Variants in RPGRIP1L observed in about 807,000 individuals in gnomAD.
RPGRIP1L encodes protein fantom.
In RPGRIP1L, 131 loss-of-function variants were observed where a neutral mutation model predicts 160.4. That is an observed-to-expected ratio of 0.82 (90% CI 0.71 to 0.94). RPGRIP1L has a LOEUF of 0.94. Ranked by LOEUF, RPGRIP1L falls within the 40% of genes least tolerant of loss-of-function variation. RPGRIP1L has a pLI of 0.00. For synonymous variants in RPGRIP1L, 510 were observed against 515.8 expected, an observed-to-expected ratio of 0.99 and a Z score of 0.15; for missense variants, 1,522 against 1,535.8, an observed-to-expected ratio of 0.99 and a Z score of 0.15.
Position 53,641,097 on chromosome 16 carries a change from C to T in RPGRIP1L, c.2894G>A (p.Arg965Lys), listed in dbSNP as rs374721066. 2 of 1,613,648 alleles carry T rather than the reference C, an allele frequency of 1.2e-6. No homozygotes were observed. Among genetic ancestry groups the T allele is most frequent in the African/African-American group, 2.7e-5 (2 of 74,878 alleles). ...CTTATCTACAGGTGTTAAACGTTGT[C>T]TTGGTTTAGGTCTTGGTGCCTAAGA... is the stretch of plus-strand genomic sequence containing the variant. ...TLVLAPRPKPRQRLTPVDKKV... is the reference protein window; with the variant it reads ...TLVLAPRPKPKQRLTPVDKKV... The change falls in exon 19 of 27, where the codon AGA becomes AAA. Residue 965 changes from arginine to lysine, a missense_variant. Coordinates refer to ENST00000647211, the MANE Select transcript of RPGRIP1L (RefSeq NM_015272.5).
chr16:53,645,555 A>G (rs2151081017), intron 17 of RPGRIP1L, 70 bp downstream of exon 17: 1 of 1,423,264 alleles, frequency 7.0e-7, no homozygotes, highest in Middle Eastern at 2.3e-4. Context: ...TAAACGAATC[A>G]TATCCATAAC....
intron 5 of RPGRIP1L, among the ~76,000 whole-genome samples, chr16:53,687,441 A>G (rs1398798122): frequency 6.6e-6 from 1 of 152,158 alleles, no homozygotes; most frequent in Non-Finnish European, 1.5e-5. Flanking sequence ...TCTGAAATCC[A>G]TATGTATCTG....
At chr16:53,651,946 C>T (rs1419207429) in intron 15 of RPGRIP1L, among the ~76,000 whole-genome samples, 1 of 151,674 alleles carries the variant, frequency 6.6e-6, no homozygotes, top group Non-Finnish European at 1.5e-5. Context: ...ACTTAAATTA[C>T]AGTTCAATAC....
intron 9 of RPGRIP1L, among the ~76,000 whole-genome samples, chr16:53,666,554 G>T (rs1438320982): frequency 6.8e-6 from 1 of 147,394 alleles, no homozygotes; most frequent in Middle Eastern, 3.4e-3. Flanking sequence ...ATGCATGAAT[G>T]TGAGTACATC....
At chr16:53,641,799 A>T (rs914531793) in intron 17 of RPGRIP1L, among the ~76,000 whole-genome samples, 9 of 152,234 alleles carry the variant, frequency 5.9e-5, no homozygotes, top group Admixed American at 2.6e-4. Context: ...AATTAAATTC[A>T]GACATTATTC....
At chr16:53,618,747 G>A (rs975634156) in intron 24 of RPGRIP1L, among the ~76,000 whole-genome samples, 1 of 151,862 alleles carries the variant, frequency 6.6e-6, no homozygotes, top group African/African-American at 2.4e-5. Flanking sequence ...AGGTTTTGCC[G>A]TGTAGCCCAG....
intron 2 of RPGRIP1L, among the ~76,000 whole-genome samples, chr16:53,697,811 G>A (rs1216186423): frequency 2.0e-5 from 3 of 151,936 alleles, no homozygotes; most frequent in Non-Finnish European, 4.4e-5. Flanking sequence ...GAGCGTCTCT[G>A]CCTGGCCGCC....
Position 53,645,945 on chromosome 16 carries a change from T to C in RPGRIP1L, c.2363A>G (p.Asn788Ser). The C allele has an allele frequency of 1.9e-6, 3 of 1,614,128 alleles. No individual in the cohort carries two copies. The highest frequency in any genetic ancestry group is 1.7e-6 in the Non-Finnish European group (2 of 1,179,990). The change falls in exon 17 of 27, where the codon AAC becomes AGC. Residue 788 changes from asparagine to serine, a missense_variant. Physicochemically the swap from Asn to Ser is conservative, Grantham distance 46. Coordinates refer to ENST00000647211, the MANE Select transcript of RPGRIP1L (RefSeq NM_015272.5). ...TATTGTAATGTGAAGTTCATTTAAG[T>C]TGCCATCTGTGGAATCTGTAGAACT... The part of the protein sequence containing the change: ...QLSSTDSTDG[N>S]LNELHITIRC...
intron 17 of RPGRIP1L, among the ~76,000 whole-genome samples, chr16:53,642,446 C>T (rs1337045725): frequency 2.7e-5 from 4 of 149,728 alleles, no homozygotes; most frequent in Non-Finnish European, 4.4e-5. Flanking sequence ...AAAAAAAAAA[C>T]CTCCCAAACT....
intron 22 of RPGRIP1L, among the ~76,000 whole-genome samples, chr16:53,634,242 A>G (rs990626569): frequency 5.9e-5 from 9 of 152,208 alleles, no homozygotes; most frequent in African/African-American, 2.2e-4. Flanking sequence ...CTCTGTCCTC[A>G]TGACTTAATC....
At chr16:53,668,343 A>G (rs1968450508) in intron 9 of RPGRIP1L, among the ~76,000 whole-genome samples, 1 of 152,236 alleles carries the variant, frequency 6.6e-6, no homozygotes, top group Non-Finnish European at 1.5e-5. Context: ...GATGACTATC[A>G]CATAATAAAA....
chr16:53,692,870 G>A (rs1236929962), intron 3 of RPGRIP1L, among the ~76,000 whole-genome samples: 1 of 152,126 alleles, frequency 6.6e-6, no homozygotes. Flanking sequence ...CACATATAAA[G>A]CCCAATGAAA....
chr16:53,651,819 CCTA>C (rs1966856412), intron 15 of RPGRIP1L, among the ~76,000 whole-genome samples: 1 of 151,988 alleles, frequency 6.6e-6, no homozygotes, highest in Non-Finnish European at 1.5e-5. Flanking sequence ...ATTCCCAGTG[CCTA>C]CTAACAGTGA....
chr16:53,648,864 T>C lies in RPGRIP1L; in HGVS notation c.2304+100A>G, dbSNP rs1355342552. ...CAAAATAAAAGTTAAAAAAAGACAC[T>C]TGATGGCTGTGAAAATGATTTTAGT... On this transcript the variant is annotated intron_variant, in intron 16 of 26. Transcript: ENST00000647211. 7 of 1,101,514 alleles carry C rather than the reference T, an allele frequency of 6.4e-6. No individual in the cohort carries two copies. In the Admixed American group the frequency reaches 9.0e-5, roughly 14 times the overall value. The allele number at this position is 1,101,514 out of a possible 1,614,324, so 68.2% of individuals were successfully genotyped here.
At chr16:53,671,932 A>G (rs1449202241) in intron 8 of RPGRIP1L, among the ~76,000 whole-genome samples, 1 of 152,122 alleles carries the variant, frequency 6.6e-6, no homozygotes, top group Non-Finnish European at 1.5e-5. Context: ...TTCTGTCATT[A>G]TATTCATTTT....
chr16:53,611,017 C>A lies in RPGRIP1L; in HGVS notation c.3651G>T (p.Lys1217Asn). 1 of 1,613,430 alleles carries A rather than the reference C, an allele frequency of 6.2e-7. No individual in the cohort carries two copies. Among genetic ancestry groups the A allele is most frequent in the African/African-American group, 1.3e-5 (1 of 75,004 alleles). ...GTAGTATAGCTTTTAAGATGTCTCTCTTTGCTTTGTTGTTTTCTTTATCCA... is the reference window on the plus strand; with the variant it reads ...GTAGTATAGCTTTTAAGATGTCTCTATTTGCTTTGTTGTTTTCTTTATCCA... Reference protein sequence around the residue: ...IYVDKENNKAKRDILKAILQK... With the variant: ...IYVDKENNKANRDILKAILQK... The change falls in exon 25 of 27, where the codon AAG (lysine) becomes AAT (asparagine). Residue 1217 changes from lysine to asparagine, a missense_variant. Physicochemically the swap from Lys to Asn is moderately conservative, Grantham distance 94 (BLOSUM62 0). Transcript: ENST00000647211.
intron 15 of RPGRIP1L, among the ~76,000 whole-genome samples, chr16:53,652,128 T>G (rs550528335): frequency 6.6e-6 from 1 of 152,128 alleles, no homozygotes; most frequent in East Asian, 1.9e-4. Flanking sequence ...CAGGCTGGAG[T>G]GCAGTGGCGC....
rs772225882 is a variant in RPGRIP1L at position 53,675,109 on chromosome 16, C to A, written c.790G>T (p.Asp264Tyr). Residue 264 changes from aspartate to tyrosine, a missense_variant, in exon 7 of 27, where the codon GAC becomes TAC. Asp to Tyr is a radical substitution (Grantham distance 160). Transcript: ENST00000647211. ...TGAAGCTTAATCATTTCTACATTGT[C>A]CCGAATATTTGACCTTCAGAGTTGT... The part of the protein sequence containing the change: ...QATDQRSNIR[D>Y]NVEMIKLHKQ... 1.2e-6 allele frequency: 2 copies of A among 1,609,810 alleles called. No individual in the cohort carries two copies. The highest frequency in any genetic ancestry group is 1.7e-6 in the Non-Finnish European group (2 of 1,177,528).
chr16:53,648,046 G>T (rs562010818), intron 16 of RPGRIP1L, among the ~76,000 whole-genome samples: 4 of 146,080 alleles, frequency 2.7e-5, no homozygotes, highest in East Asian at 4.3e-4. Context: ...GGAGCTTGCA[G>T]TGAGCAGAGA....
Sources: allele counts gnomAD v4.1 joint callset (sites outside exome capture counted in the v4.1 genomes callset), GRCh38; gene constraint gnomAD v4.1.1; transcripts MANE v1.5; gene names NCBI Gene and HGNC (gene_info 2026-07-23, HGNC 2026-07-21).